The following PCDHGB6 variants were observed in gnomAD, a reference collection of about 807,000 sequenced individuals.
PCDHGB6 encodes the protein protocadherin gamma subfamily B, 6.
A neutral mutation model predicts 59.1 loss-of-function variants in PCDHGB6; 51 were observed. The observed-to-expected ratio is 0.86, with a 90% CI of 0.69 to 1.09. PCDHGB6 has a LOEUF of 1.09. PCDHGB6 is among the 50% of genes least tolerant of loss of function. PCDHGB6 has a pLI of 0.00. For synonymous variants in PCDHGB6, 466 were observed against 495.1 expected, an observed-to-expected ratio of 0.94 and a Z score of 0.78; for missense variants, 1,148 against 1,205.1, an observed-to-expected ratio of 0.95 and a Z score of 0.70.
chr5:141,421,220 A>G (rs1178268746), intron 1 of PCDHGB6: 2 of 1,575,620 alleles, frequency 1.3e-6, no homozygotes, highest in Non-Finnish European at 1.7e-6. Flanking sequence ...ATCGGCTTAG[A>G]GCCTGCCATG....
chr5:141,431,189 G>A lies in PCDHGB6; in HGVS notation c.2418+20569G>A. 2 of 1,614,208 alleles carry A rather than the reference G, an allele frequency of 1.2e-6. No homozygotes were observed. The highest frequency in any genetic ancestry group is 1.7e-6 in the Non-Finnish European group (2 of 1,180,036). On this transcript the variant is annotated intron_variant, in intron 1 of 3. Transcript: ENST00000520790. This position sits in a 1 kb window ranked among gnomAD's most constrained non-coding sequence, Gnocchi z 4.8. ...AAGTGAATTAGAAATAAAAATTAGT[G>A]AAAATGCAGCCACTGAGATGCGGTT...
chr5:141,510,582 A>G (rs1156375287), intron 3 of PCDHGB6, among the ~76,000 whole-genome samples: 2 of 152,166 alleles, frequency 1.3e-5, no homozygotes, highest in Non-Finnish European at 2.9e-5. Context: ...TATTTTACGT[A>G]CCTGACATAC....
intron 1 of PCDHGB6, among the ~76,000 whole-genome samples, chr5:141,453,510 T>C (rs11958830): frequency 0.2 from 30,607 of 152,026 alleles, 3,435 homozygotes; most frequent in African/African-American, 0.31. Flanking sequence ...AAAATTGTCA[T>C]TCCTCCCCTA....
chr5:141,451,606 G>A (rs2098720118), intron 1 of PCDHGB6, among the ~76,000 whole-genome samples: 1 of 152,152 alleles, frequency 6.6e-6, no homozygotes, highest in Admixed American at 6.5e-5. Flanking sequence ...ACAAGGCTAG[G>A]CATGGTGGCT....
chr5:141,448,152 C>T (rs1463599948), intron 1 of PCDHGB6, among the ~76,000 whole-genome samples: 1 of 151,984 alleles, frequency 6.6e-6, no homozygotes, highest in African/African-American at 2.4e-5. Flanking sequence ...CAGACTCACC[C>T]CTGAAAGATC....
At position 141,487,128 on chromosome 5, in the gene PCDHGB6, G is replaced by A; in HGVS notation, c.2419-7679G>A. The A allele has an allele frequency of 6.2e-7, 1 of 1,614,086 alleles. No individual in the cohort carries two copies. ...GTCATTGTGGTAAAGGATAGTGGTA[G>A]TCCACCACTCTCTACCTCTGTTACT... is the stretch of plus-strand genomic sequence containing the variant. On this transcript the variant is annotated intron_variant, in intron 1 of 3. Transcript: ENST00000520790. This position sits in a 1 kb window ranked among gnomAD's most constrained non-coding sequence, Gnocchi z 5.0.
chr5:141,423,699 T>C, intron 1 of PCDHGB6: 1 of 1,469,146 alleles, frequency 6.8e-7, no homozygotes, highest in East Asian at 2.5e-5. Context: ...GTTGGTGTCT[T>C]GGCACAAGTC....
chr5:141,432,191 G>C lies in PCDHGB6; in HGVS notation c.2418+21571G>C. 2.5e-6 allele frequency: 4 copies of C among 1,614,110 alleles called. No individual in the cohort carries two copies. Among genetic ancestry groups the C allele is most frequent in the Non-Finnish European group, 3.4e-6 (4 of 1,180,026 alleles). On this transcript the variant is annotated intron_variant, in intron 1 of 3. Coordinates refer to ENST00000520790, the MANE Select transcript of PCDHGB6 (RefSeq NM_018926.3). The surrounding 1 kb of genome is among the most constrained non-coding windows in gnomAD (Gnocchi z 6.0). ...TTCCCTCGTCTCTGTGACCGCCCAC[G>C]ACCCCGACTGTGAAGAGAACGCCCA... is the stretch of plus-strand genomic sequence containing the variant.
intron 1 of PCDHGB6, among the ~76,000 whole-genome samples, chr5:141,470,268 G>A (rs1349444076): frequency 6.6e-6 from 1 of 152,082 alleles, no homozygotes; most frequent in East Asian, 1.9e-4. Flanking sequence ...GGAGATACAT[G>A]TTTGTTTGAT....
At chr5:141,457,167 C>T (rs1465212183) in intron 1 of PCDHGB6, among the ~76,000 whole-genome samples, 1 of 152,114 alleles carries the variant, frequency 6.6e-6, no homozygotes, top group East Asian at 1.9e-4. Context: ...CATGGATAAC[C>T]CTATTGCAAA....
rs1312101699 is a variant in PCDHGB6 at position 141,421,245 on chromosome 5, G to C, written c.2418+10625G>C. ...AGCCTGCCATGGCGAATCGGCTACA[G>C]CGCGGGGACCGCAGTCGGCTGCTGC... On this transcript the variant is annotated intron_variant, in intron 1 of 3. Coordinates refer to ENST00000520790, the MANE Select transcript of PCDHGB6 (RefSeq NM_018926.3). 6.2e-7 allele frequency: 1 copy of C among 1,603,936 alleles called. No homozygotes were observed. The highest frequency in any genetic ancestry group is 8.5e-7 in the Non-Finnish European group (1 of 1,176,330).
chr5:141,507,263 T>C (rs755395344), intron 3 of PCDHGB6: 1 of 152,038 alleles, frequency 6.6e-6, no homozygotes, highest in Non-Finnish European at 1.5e-5. Flanking sequence ...AAACAGCAAG[T>C]ACTATTTCAG....
chr5:141,494,909 T>G (rs764123148), intron 2 of PCDHGB6, 44 bp downstream of exon 2: 1 of 1,614,042 alleles, frequency 6.2e-7, no homozygotes, highest in Admixed American at 1.7e-5. Flanking sequence ...CTGCGGCATT[T>G]TCTCAGGGAT....
intron 2 of PCDHGB6, among the ~76,000 whole-genome samples, chr5:141,500,292 T>A (rs1001226545): frequency 2.0e-5 from 3 of 151,954 alleles, no homozygotes; most frequent in Non-Finnish European, 4.4e-5. Context: ...CACTGCAAGC[T>A]CCGCCTCCCA....
chr5:141,429,547 A>C (rs2097222392), intron 1 of PCDHGB6, among the ~76,000 whole-genome samples: 1 of 152,196 alleles, frequency 6.6e-6, no homozygotes, highest in Non-Finnish European at 1.5e-5. Flanking sequence ...AGAACATGGT[A>C]ATGATTTGAT....
chr5:141,480,837 G>T (rs1435750544), intron 1 of PCDHGB6, among the ~76,000 whole-genome samples: 2 of 152,168 alleles, frequency 1.3e-5, no homozygotes, highest in African/African-American at 4.8e-5. Flanking sequence ...ATAAGATCAG[G>T]AGTTTGAGAC....
Position 141,432,108 on chromosome 5 carries a change from C to T in PCDHGB6, c.2418+21488C>T, listed in dbSNP as rs1432933024. The T allele has an allele frequency of 1.9e-6, 3 of 1,614,180 alleles. No homozygotes were observed. The highest frequency in any genetic ancestry group is 1.7e-5 in the Admixed American group (1 of 60,020). Reference sequence around the variant, plus strand: ...GTGGCAGACACCAACGACAACCCGCCGGTCTTCCCTCAGGCCTCCTATTCC... The same window carrying T: ...GTGGCAGACACCAACGACAACCCGCTGGTCTTCCCTCAGGCCTCCTATTCC... On this transcript the variant is annotated intron_variant, in intron 1 of 3. Coordinates refer to ENST00000520790, the MANE Select transcript of PCDHGB6 (RefSeq NM_018926.3). The surrounding 1 kb of genome is among the most constrained non-coding windows in gnomAD (Gnocchi z 6.0).
At chr5:141,480,745 C>T (rs528415324) in intron 1 of PCDHGB6, among the ~76,000 whole-genome samples, 1 of 152,278 alleles carries the variant, frequency 6.6e-6, no homozygotes, top group Non-Finnish European at 1.5e-5. Flanking sequence ...ACATAGGCAT[C>T]ATTTTTTGAA....
chr5:141,410,779 T>C, intron 1 of PCDHGB6, 159 bp downstream of exon 1: 4 of 947,572 alleles, frequency 4.2e-6, no homozygotes, highest in Non-Finnish European at 6.0e-6. Flanking sequence ...TTTCACTATG[T>C]ATTTGGTTCA....
Sources: gnomAD v4.1 joint callset for allele counts (sites outside exome capture counted in the v4.1 genomes callset) on GRCh38, gnomAD v4.1.1 for gene constraint, Gnocchi (gnomAD v3.1) non-coding constraint, MANE v1.5 for transcripts, NCBI Gene and HGNC (gene_info 2026-07-23, HGNC 2026-07-21) for gene names.